Variants in RRBP1 observed in about 807,000 individuals in gnomAD.
The protein encoded by RRBP1 is ribosome binding protein 1, also known as ribosome-binding protein 1.
A neutral mutation model predicts 165.2 loss-of-function variants in RRBP1; 94 were observed. That is an observed-to-expected ratio of 0.57 (90% CI 0.48 to 0.68). The LOEUF is 0.68. RRBP1 is among the 30% of genes least tolerant of loss of function. RRBP1 has a pLI of 0.00. For missense variants in RRBP1, 1,676 were observed against 1,763.0 expected (o/e 0.95, Z 0.88); for synonymous variants, 680 against 714.5 (o/e 0.95, Z 0.77).
At chr20:17,636,811 A>AGCTGG in intron 5 of RRBP1, 82 bp from the exon 6 acceptor site, 1 of 1,553,932 alleles carries the variant, frequency 6.4e-7, no homozygotes, top group Non-Finnish European at 8.7e-7. Flanking sequence ...GCATCACCCG[A>AGCTGG]GCTGGGAGGC....
chr20:17,665,631 A>G (rs77419972), intron 2 of RRBP1, among the ~76,000 whole-genome samples: 1 of 152,188 alleles, frequency 6.6e-6, no homozygotes, highest in African/African-American at 2.4e-5. Context: ...TTGAACCACA[A>G]ATTATTAGCC....
intron 2 of RRBP1, among the ~76,000 whole-genome samples, chr20:17,666,426 T>C (rs1475652375): frequency 6.6e-6 from 1 of 152,212 alleles, no homozygotes; most frequent in Non-Finnish European, 1.5e-5. Context: ...GTTTTGTTGA[T>C]GGTTAGAATA....
intron 2 of RRBP1, among the ~76,000 whole-genome samples, chr20:17,665,256 C>T (rs1188916622): frequency 6.6e-6 from 1 of 152,076 alleles, no homozygotes; most frequent in Non-Finnish European, 1.5e-5. Context: ...AAAATACAGC[C>T]GTTACTTTGT....
chr20:17,681,586 G>A (rs1357613083), intron 1 of RRBP1, among the ~76,000 whole-genome samples: 4 of 137,134 alleles, frequency 2.9e-5, no homozygotes, highest in African/African-American at 1.1e-4. Flanking sequence ...GCCCGGCAAC[G>A]TCATCCGGCG....
intron 13 of RRBP1, 54 bp from the exon 14 acceptor site, chr20:17,622,001 A>G: frequency 7.3e-7 from 1 of 1,378,454 alleles, no homozygotes; most frequent in Non-Finnish European, 1.0e-6. Flanking sequence ...GGTGTGGGGC[A>G]CCTCCCCAGG....
At chr20:17,633,925 A>T (rs1600741461) in intron 7 of RRBP1, among the ~76,000 whole-genome samples, 2 of 152,206 alleles carry the variant, frequency 1.3e-5, no homozygotes, top group Admixed American at 1.3e-4. Context: ...CTGGGTGCAA[A>T]CCAGCCTTGA....
intron 17 of RRBP1, 103 bp downstream of exon 17, chr20:17,620,608 CCCCA>C (rs759492236): frequency 7.7e-6 from 7 of 903,702 alleles, no homozygotes; most frequent in Non-Finnish European, 1.2e-5. Flanking sequence ...CGTGGAAAAG[CCCCA>C]CCGAGACACA....
intron 2 of RRBP1, among the ~76,000 whole-genome samples, chr20:17,665,064 A>T (rs973802260): frequency 6.6e-6 from 1 of 151,974 alleles, no homozygotes; most frequent in Non-Finnish European, 1.5e-5. Context: ...TGCACTTTAG[A>T]TATTTATTTA....
intron 2 of RRBP1, among the ~76,000 whole-genome samples, chr20:17,667,512 G>A (rs923595228): frequency 6.6e-6 from 1 of 152,038 alleles, no homozygotes; most frequent in Non-Finnish European, 1.5e-5. Context: ...CCTAAGTACT[G>A]CTACGGCTTC....
chr20:17,636,457 C>A, intron 6 of RRBP1, 120 bp downstream of exon 6: 1 of 1,223,992 alleles, frequency 8.2e-7, no homozygotes, highest in East Asian at 2.4e-5. Context: ...CTTACAGACC[C>A]CTGTGGGCAT....
Position 17,643,009 on chromosome 20 carries a change from C to T in RRBP1, c.2031G>A (p.Lys677=). 1.2e-6 allele frequency: 2 copies of T among 1,614,086 alleles called. No individual in the cohort carries two copies. The highest frequency in any genetic ancestry group is 1.7e-6 in the Non-Finnish European group (2 of 1,180,022). The change falls in exon 4 of 25, where the codon AAG becomes AAA. Residue 677 remains lysine, a synonymous_variant. Transcript: ENST00000377813. The surrounding 1 kb of genome is among the most constrained non-coding windows in gnomAD (Gnocchi z 4.3). The part of the protein sequence containing the change: ...AQRLIEILSE[K]AGIIQDTWHK... Reference sequence around the variant, plus strand: ...GCCAGGTGTCCTGAATGATGCCAGCCTTCTCAGACAGGATCTCGATGAGCC... The same window carrying T: ...GCCAGGTGTCCTGAATGATGCCAGCTTTCTCAGACAGGATCTCGATGAGCC...
rs939856923 is a variant in RRBP1 at position 17,615,535 on chromosome 20, C to G, written c.3952-6G>C. 2 of 1,599,860 alleles carry G rather than the reference C, an allele frequency of 1.3e-6. No individual in the cohort carries two copies. Among genetic ancestry groups the G allele is most frequent in the Admixed American group, 3.5e-5 (2 of 56,640 alleles). On this transcript the variant is annotated splice_polypyrimidine_tract_variant and splice_region_variant and intron_variant, in intron 22 of 24. Coordinates refer to ENST00000377813, the MANE Select transcript of RRBP1 (RefSeq NM_001365613.2). ...CGACATGCCGAGGTCTGAGCCTTGC[C>G]GGAGAGGGAAGTGAGGTCTGGGTGA...
intron 20 of RRBP1, 147 bp downstream of exon 20, chr20:17,618,449 A>C: frequency 1.5e-6 from 1 of 687,856 alleles, no homozygotes; most frequent in South Asian, 1.7e-5. Flanking sequence ...GGCCCCCAGA[A>C]GCCGGCCCCA....
rs2036734010 is a variant in RRBP1, at chr20:17,660,148, A to G, written c.360T>C (p.Pro120=). ...TPVQPPIIVA[P]VATVPAMPQE... ...GGGGCATGGCTGGAACTGTGGCGAC[A>G]GGAGCAACGATAATGGGGGGCTGCA... The change falls in exon 3 of 25, where the codon CCT becomes CCC. Residue 120 remains proline, a synonymous_variant. Transcript: ENST00000377813. The G allele has an allele frequency of 1.9e-6, 3 of 1,614,038 alleles. No individual in the cohort carries two copies. The highest frequency in any genetic ancestry group is 1.7e-5 in the Admixed American group (1 of 60,004).
chr20:17,670,807 C>T (rs752040090), intron 2 of RRBP1, among the ~76,000 whole-genome samples: 9 of 152,176 alleles, frequency 5.9e-5, no homozygotes, highest in Non-Finnish European at 1.2e-4. Flanking sequence ...TGCTGTATCA[C>T]TAAATGTCTA....
chr20:17,665,119 G>GA (rs2036845595), intron 2 of RRBP1, among the ~76,000 whole-genome samples: 2 of 151,716 alleles, frequency 1.3e-5, no homozygotes, highest in African/African-American at 4.8e-5. Flanking sequence ...TGTGGGGGGG[G>GA]GACACACACA....
intron 13 of RRBP1, 42 bp from the exon 14 acceptor site, chr20:17,621,989 G>GA: frequency 1.3e-6 from 2 of 1,501,138 alleles, no homozygotes; most frequent in Non-Finnish European, 1.9e-6. Context: ...TTCAGCTGTG[G>GA]AGGTGTGGGG....
Position 17,659,783 on chromosome 20 carries a change from G to A in RRBP1, c.725C>T (p.Ala242Val). The change falls in exon 3 of 25, where the codon GCA (alanine) becomes GTA (valine). Residue 242 changes from alanine to valine, a missense_variant. Around this residue, in one of 5 missense-constraint regions of RRBP1, gnomAD observed 392 missense variants for 382.5 expected, o/e 1.02. Transcript: ENST00000377813. ...TTTGCCTTGGTTTGGGGTTCCCTCT[G>A]CCTTTTTCCCTTGGTTTGGGGTTCC... ...TEGTPNQGKK[A>V]EGTPNQGKKA... 1 of 1,550,600 alleles carries A rather than the reference G, an allele frequency of 6.4e-7. No homozygotes were observed. Among genetic ancestry groups the A allele is most frequent in the Non-Finnish European group, 8.7e-7 (1 of 1,146,948 alleles).
intron 5 of RRBP1, among the ~76,000 whole-genome samples, chr20:17,638,612 CT>C (rs1367506903): frequency 6.6e-6 from 1 of 152,172 alleles, no homozygotes; most frequent in Non-Finnish European, 1.5e-5. Flanking sequence ...TCTATGGTTT[CT>C]TTTTCTTCAA....
Sources: gnomAD v4.1 joint callset for allele counts (sites outside exome capture counted in the v4.1 genomes callset) on GRCh38, gnomAD v4.1.1 for gene constraint, gnomAD v4.1.1 regional missense constraint, Gnocchi (gnomAD v3.1) non-coding constraint, MANE v1.5 for transcripts, NCBI Gene and HGNC (gene_info 2026-07-23, HGNC 2026-07-21) for gene names.